The following SPAG16 variants were observed in gnomAD, a reference collection of about 807,000 sequenced individuals.
The protein encoded by SPAG16 is sperm associated antigen 16.
A neutral mutation model predicts 80.4 loss-of-function variants in SPAG16; 86 were observed. That is an observed-to-expected ratio of 1.07 (90% CI 0.90 to 1.28). The LOEUF (loss-of-function observed/expected upper bound fraction) is 1.28, where lower values mean the gene tolerates loss of function less well. Ranked by LOEUF, SPAG16 falls within the 50% of genes most tolerant of loss-of-function variation. The pLI, the probability that SPAG16 is intolerant of heterozygous loss-of-function variation, is 0.00. For missense variants in SPAG16, 870 were observed against 765.3 expected, an observed-to-expected ratio of 1.14 and a Z score of -1.61; for synonymous variants, 294 against 265.9, an observed-to-expected ratio of 1.11 and a Z score of -1.03.
intron 15 of SPAG16, among the ~76,000 whole-genome samples, chr2:214,249,671 C>T (rs140965605): frequency 4.7e-4 from 71 of 152,094 alleles, no homozygotes; most frequent in Middle Eastern, 3.4e-3. Context: ...TGGAAAAGCA[C>T]GTAAACATTT....
At chr2:213,858,820 G>A (rs1186294393) in intron 10 of SPAG16, among the ~76,000 whole-genome samples, 1 of 152,094 alleles carries the variant, frequency 6.6e-6, no homozygotes, top group Non-Finnish European at 1.5e-5. Context: ...TGAATGAAAA[G>A]CCTGTGGAAT....
chr2:214,005,299 A>G (rs1181782441), intron 12 of SPAG16, among the ~76,000 whole-genome samples: 1 of 152,154 alleles, frequency 6.6e-6, no homozygotes, highest in Non-Finnish European at 1.5e-5. Context: ...CTGAGTTGCT[A>G]GCTCTACTAT....
intron 11 of SPAG16, among the ~76,000 whole-genome samples, chr2:213,864,706 A>G (rs779496432): frequency 6.6e-6 from 1 of 152,090 alleles, no homozygotes; most frequent in East Asian, 1.9e-4. Context: ...CCTGACTACA[A>G]TGGTAGCTGA....
At chr2:213,969,489 C>T (rs1409909260) in intron 12 of SPAG16, among the ~76,000 whole-genome samples, 2 of 152,090 alleles carry the variant, frequency 1.3e-5, no homozygotes, top group East Asian at 1.9e-4. Context: ...AGGCTCCTCT[C>T]GCAGTGGGAT....
At chr2:213,371,414 A>AG (rs1379491873) in intron 8 of SPAG16, among the ~76,000 whole-genome samples, 2 of 131,598 alleles carry the variant, frequency 1.5e-5, no homozygotes, top group African/African-American at 5.5e-5. Flanking sequence ...AAAAAAAAAA[A>AG]AAAAGAAAAG....
chr2:214,261,390 C>T (rs139345494), intron 15 of SPAG16, among the ~76,000 whole-genome samples: 15 of 152,120 alleles, frequency 9.9e-5, no homozygotes, highest in African/African-American at 3.1e-4. Context: ...TCTAGTCTGG[C>T]GGCTAAGAAA....
chr2:213,797,882 T>A (rs1380226327), intron 10 of SPAG16, among the ~76,000 whole-genome samples: 1 of 152,340 alleles, frequency 6.6e-6, no homozygotes, highest in East Asian at 1.9e-4. Context: ...GTTTAGCATA[T>A]GAGAAACTGG....
intron 10 of SPAG16, among the ~76,000 whole-genome samples, chr2:213,858,617 T>TA (rs1195740699): frequency 6.6e-6 from 1 of 152,190 alleles, no homozygotes. Flanking sequence ...GATTGCCTGA[T>TA]ACCTGGAGTA....
At chr2:214,218,188 CT>C (rs2058480312) in intron 15 of SPAG16, among the ~76,000 whole-genome samples, 2 of 152,068 alleles carry the variant, frequency 1.3e-5, no homozygotes, top group South Asian at 4.1e-4. Flanking sequence ...TGTTGTCAGT[CT>C]TTTATGATGT....
intron 11 of SPAG16, among the ~76,000 whole-genome samples, chr2:213,898,246 T>C (rs2077072180): frequency 6.6e-6 from 1 of 152,204 alleles, no homozygotes; most frequent in African/African-American, 2.4e-5. Context: ...TTTTTCCTGA[T>C]GTTCTAATTT....
chr2:214,309,600 G>T (rs1576744238), intron 15 of SPAG16, among the ~76,000 whole-genome samples: 1 of 151,960 alleles, frequency 6.6e-6, no homozygotes, highest in East Asian at 1.9e-4. Context: ...TGACCATGAG[G>T]GTTTGATTGT....
At chr2:213,814,011 C>T (rs1005206785) in intron 10 of SPAG16, among the ~76,000 whole-genome samples, 11 of 151,746 alleles carry the variant, frequency 7.2e-5, no homozygotes, top group African/African-American at 1.2e-4. Context: ...TAGGAGGAGA[C>T]GGAGGTAGGG....
At position 213,364,138 on chromosome 2, in the gene SPAG16, A is replaced by G; in HGVS notation, c.825A>G (p.Gln275=). 1 of 1,510,614 alleles carries G rather than the reference A, an allele frequency of 6.6e-7. No individual in the cohort carries two copies. The highest frequency in any genetic ancestry group is 8.9e-7 in the Non-Finnish European group (1 of 1,129,192). 93.6% of individuals were successfully genotyped at this position (1,510,614 alleles called of 1,614,324 possible). A position where few individuals can be genotyped will look rare whatever the true frequency, so the allele number is the denominator to read the frequency against. ...GAGGACATAGTTACCATGGTCCTCA[A>G]ATTAAAGGTAAATGTAAAATGTGAT... ...LQRGHSYHGP[Q]IKVDHSREKE... Residue 275 remains glutamine, a synonymous_variant, in exon 8 of 16, where the codon CAA becomes CAG. Coordinates refer to ENST00000331683, the MANE Select transcript of SPAG16 (RefSeq NM_024532.5).
At chr2:213,508,908 A>T (rs2075098327) in intron 10 of SPAG16, among the ~76,000 whole-genome samples, 1 of 149,366 alleles carries the variant, frequency 6.7e-6, no homozygotes, top group South Asian at 2.1e-4. Context: ...CCTAAAACTT[A>T]AAGTATAATT....
At chr2:213,782,655 T>C (rs2070070991) in intron 10 of SPAG16, among the ~76,000 whole-genome samples, 1 of 152,170 alleles carries the variant, frequency 6.6e-6, no homozygotes, top group Admixed American at 6.5e-5. Flanking sequence ...AACAAGTGGT[T>C]ATGGTAGGTT....
chr2:213,942,848 C>G (rs1385380554), intron 12 of SPAG16, among the ~76,000 whole-genome samples: 1 of 152,098 alleles, frequency 6.6e-6, no homozygotes, highest in Non-Finnish European at 1.5e-5. Flanking sequence ...TGTGTCCCTC[C>G]AAAACTCATA....
Position 213,496,716 on chromosome 2 carries a change from C to CAT in SPAG16, c.1070+6634_1070+6635dup, listed in dbSNP as rs113971710. ...TTATACATATCCATATATACATATC[C>CAT]ATATATATAATGCTTAAGTACTTAA... On this transcript the variant is annotated intron_variant, in intron 10 of 15. Transcript: ENST00000331683. 7.8e-4 allele frequency among the ~76,000 whole-genome samples: 117 copies of CAT among 150,298 alleles called. 1 individual carries two copies. Among genetic ancestry groups the CAT allele is most frequent in the Middle Eastern group, 3.5e-3 (1 of 286 alleles).
chr2:214,234,348 T>C (rs950875030), intron 15 of SPAG16, among the ~76,000 whole-genome samples: 6 of 152,158 alleles, frequency 3.9e-5, no homozygotes, highest in African/African-American at 1.4e-4. Flanking sequence ...GCAATGAACA[T>C]AGGAGTGCAT....
chr2:213,875,204 G>C (rs1043395380), intron 11 of SPAG16, among the ~76,000 whole-genome samples: 1 of 151,408 alleles, frequency 6.6e-6, no homozygotes, highest in East Asian at 1.9e-4. Context: ...TCACCCCCTT[G>C]TTACTCTAAA....
Sources: allele counts gnomAD v4.1 joint callset (sites outside exome capture counted in the v4.1 genomes callset), GRCh38; gene constraint gnomAD v4.1.1; transcripts MANE v1.5; gene names NCBI Gene and HGNC (gene_info 2026-07-23, HGNC 2026-07-21).